Variants in SLC12A5 observed in about 807,000 individuals in gnomAD.
SLC12A5 encodes the protein solute carrier family 12 member 5.
In SLC12A5, 18 loss-of-function variants were observed where a neutral mutation model predicts 124.0. That is an observed-to-expected ratio of 0.15 (90% CI 0.10 to 0.22). The LOEUF (loss-of-function observed/expected upper bound fraction) is 0.22. Ranked by LOEUF, SLC12A5 falls within the 10% of genes least tolerant of loss-of-function variation. The pLI is 1.00. For missense variants in SLC12A5, 867 were observed against 1,478.7 expected (o/e 0.59, Z 6.78); for synonymous variants, 589 against 568.0 (o/e 1.04, Z -0.53).
rs1178419544 is a variant in SLC12A5 at position 46,057,485 on chromosome 20, C to A, written c.3260-29C>A. 6.2e-7 allele frequency: 1 copy of A among 1,610,004 alleles called. No individual in the cohort carries two copies. The highest frequency in any genetic ancestry group is 1.3e-5 in the African/African-American group (1 of 74,848). On this transcript the variant is annotated intron_variant, in intron 25 of 25. Coordinates refer to ENST00000243964, the MANE Select transcript of SLC12A5 (RefSeq NM_020708.5). This position sits in a 1 kb window ranked among gnomAD's most constrained non-coding sequence, Gnocchi z 7.1. ...CCAATTTCGTCGGGAGGGAAGGAGA[C>A]CGGGTCTTTCTCCTTGACCGGCTCT...
At chr20:46,032,945 G>A (rs2084466519) in intron 1 of SLC12A5, among the ~76,000 whole-genome samples, 1 of 152,178 alleles carries the variant, frequency 6.6e-6, no homozygotes, top group South Asian at 2.1e-4. Context: ...TTATGTGCTG[G>A]GAGGTGGGTC....
intron 20 of SLC12A5, 53 bp from the exon 21 acceptor site, chr20:46,054,863 T>TTCC (rs2084675974): frequency 1.5e-6 from 2 of 1,347,412 alleles, no homozygotes; most frequent in Non-Finnish European, 2.1e-6. Context: ...ACCTCATGCT[T>TTCC]TCCTCCGTGT....
chr20:46,057,741 C>G lies in SLC12A5; in HGVS notation c.*136C>G. On this transcript the variant is annotated 3_prime_UTR_variant, in exon 26 of 26. Transcript: ENST00000243964. This position sits in a 1 kb window ranked among gnomAD's most constrained non-coding sequence, Gnocchi z 7.1. ...TGGCCCCTTACCCCGCTGCCTGAAG[C>G]CCGGAGGCCACGCCTGTTGGGGCTG... The G allele has an allele frequency of 1.5e-6, 1 of 680,214 alleles. No individual in the cohort carries two copies. The highest frequency in any genetic ancestry group is 2.0e-5 in the South Asian group (1 of 49,218). 42.1% of individuals were successfully genotyped at this position (680,214 alleles called of 1,614,324 possible). A position where few individuals can be genotyped will look rare whatever the true frequency, so the allele number is the denominator to read the frequency against.
At chr20:46,048,462 A>ACAAACAT (rs1365646781) in intron 16 of SLC12A5, among the ~76,000 whole-genome samples, 2 of 152,232 alleles carry the variant, frequency 1.3e-5, no homozygotes, top group East Asian at 3.8e-4. Flanking sequence ...ATGGGGACAG[A>ACAAACAT]CAAACATCAG....
In SLC12A5 at chr20:46,041,543, C is replaced by T. The variant is rs1476908065; in HGVS notation, c.1066+3C>T. The T allele has an allele frequency of 5.0e-6, 8 of 1,613,496 alleles. No individual in the cohort carries two copies. On this transcript the variant is annotated splice_donor_region_variant and intron_variant, in intron 8 of 25. Transcript: ENST00000243964. ...TGCTGCCAGTGGCCTCATCAAAGGT[C>T]TGCGGAGGGACAAGGGCTGGCATCC...
At chr20:46,040,302 TC>T in intron 6 of SLC12A5, 70 bp from the exon 7 acceptor site, 1 of 1,582,758 alleles carries the variant, frequency 6.3e-7, no homozygotes, top group Non-Finnish European at 8.6e-7. Context: ...GCATCTTTTT[TC>T]CTAAAGCGCT....
At position 46,056,686 on chromosome 20, in the gene SLC12A5, G is replaced by C. The variant is rs563554989; in HGVS notation, c.3110+122G>C. 323 of 1,207,604 alleles carry C rather than the reference G, an allele frequency of 2.7e-4. 1 individual carries two copies. Among genetic ancestry groups the C allele is most frequent in the Non-Finnish European group, 3.5e-4 (301 of 859,548 alleles). 74.8% of individuals were successfully genotyped at this position (1,207,604 alleles called of 1,614,324 possible). On this transcript the variant is annotated intron_variant, in intron 23 of 25. Coordinates refer to ENST00000243964, the MANE Select transcript of SLC12A5 (RefSeq NM_020708.5). The surrounding 1 kb of genome is among the most constrained non-coding windows in gnomAD (Gnocchi z 4.3). ...AGCCTGCAGACCCAGCTCAGACATT[G>C]TCTTGGTTTCTCCATCTGAGGACTT... is the stretch of plus-strand genomic sequence containing the variant.
At position 46,060,038 on chromosome 20, in the gene SLC12A5, TTC is replaced by T. The variant is rs2084739851; in HGVS notation, c.*2435_*2436del. 1 of 166,102 alleles carries T rather than the reference TTC, an allele frequency of 6.0e-6. No homozygotes were observed. The highest frequency in any genetic ancestry group is 6.4e-5 in the Admixed American group (1 of 15,664). The allele number at this position is 166,102 out of a possible 1,614,324, so 10.3% of individuals were successfully genotyped here. A position where few individuals can be genotyped will look rare whatever the true frequency, so the allele number is the denominator to read the frequency against. ...GCCAATATGAAAAGGAGAGGGTTGG[TTC>T]TTTCCTTTATTGTTGAATGCTCCCA... On this transcript the variant is annotated 3_prime_UTR_variant, in exon 26 of 26. Transcript: ENST00000243964.
At chr20:46,031,607 C>T (rs1362112474) in intron 1 of SLC12A5, among the ~76,000 whole-genome samples, 2 of 152,234 alleles carry the variant, frequency 1.3e-5, no homozygotes, top group Non-Finnish European at 2.9e-5. Flanking sequence ...TCCCGGTCTT[C>T]TTTCTCCTTG....
At position 46,053,009 on chromosome 20, in the gene SLC12A5, C is replaced by A. The variant is rs540937956; in HGVS notation, c.2430C>A (p.Asn810Lys). Reference protein sequence around the residue: ...AGHLALLVTKNVSMFPGNPER... With the variant: ...AGHLALLVTKKVSMFPGNPER... Reference sequence around the variant, plus strand: ...ACTTAGCCCTGCTGGTCACCAAGAACGTTTCCATGTTTCCTGGGAACCCTG... The same window carrying A: ...ACTTAGCCCTGCTGGTCACCAAGAAAGTTTCCATGTTTCCTGGGAACCCTG... Residue 810 changes from asparagine (N) to lysine (K), a missense_variant, in exon 19 of 26, where the codon AAC (asparagine) becomes AAA (lysine). Coordinates refer to ENST00000243964, the MANE Select transcript of SLC12A5 (RefSeq NM_020708.5). The surrounding 1 kb of genome is among the most constrained non-coding windows in gnomAD (Gnocchi z 4.7). 1 of 1,614,008 alleles carries A rather than the reference C, an allele frequency of 6.2e-7. No individual in the cohort carries two copies. Among genetic ancestry groups the A allele is most frequent in the Non-Finnish European group, 8.5e-7 (1 of 1,179,994 alleles).
intron 1 of SLC12A5, among the ~76,000 whole-genome samples, chr20:46,031,306 T>C (rs1156330515): frequency 1.3e-5 from 2 of 152,152 alleles, no homozygotes; most frequent in African/African-American, 4.8e-5. Context: ...GGAGACCTTC[T>C]TTCTATACAT....
chr20:46,052,063 G>A (rs1273270251), intron 18 of SLC12A5, among the ~76,000 whole-genome samples, 193 bp downstream of exon 18: 3 of 152,180 alleles, frequency 2.0e-5, no homozygotes, highest in Admixed American at 6.5e-5. Context: ...TGGGGACTCC[G>A]CTGTGAACGA....
At chr20:46,035,084 A>G (rs770267044) in intron 2 of SLC12A5, 42 bp downstream of exon 2, 4 of 1,585,026 alleles carry the variant, frequency 2.5e-6, no homozygotes, top group South Asian at 1.1e-5. Flanking sequence ...ACAATTCATT[A>G]TCCTGATTCA....
upstream of SLC12A5, among the ~76,000 whole-genome samples, chr20:46,028,293 C>G (rs1254984766): frequency 1.3e-5 from 2 of 152,204 alleles, no homozygotes; most frequent in Admixed American, 1.3e-4. Context: ...CACTCTGTCC[C>G]TGGCCAGCCT....
upstream of SLC12A5, chr20:46,029,159 C>T: frequency 7.1e-7 from 1 of 1,405,296 alleles, no homozygotes; most frequent in Non-Finnish European, 9.2e-7. Context: ...AGAGGGGGCG[C>T]GCGCGGGTGT....
At chr20:46,023,424 C>T in exon 3 of SLC12A5, 2 of 398,898 alleles carry the variant, frequency 5.0e-6, no homozygotes. Context: ...TATCCTGAAT[C>T]TGGCAGCATC....
At chr20:46,044,735 G>A in intron 11 of SLC12A5, 2 of 554,246 alleles carry the variant, frequency 3.6e-6, no homozygotes, top group Non-Finnish European at 6.4e-6. Flanking sequence ...CGTGGGGCTG[G>A]GACCTATGCT....
At chr20:46,030,855 T>C (rs1413728385) in intron 1 of SLC12A5, among the ~76,000 whole-genome samples, 1 of 147,244 alleles carries the variant, frequency 6.8e-6, no homozygotes, top group Non-Finnish European at 1.5e-5. Context: ...GGGGGCTGAG[T>C]GGTATACAGG....
Position 46,053,561 on chromosome 20 carries a change from C to T in SLC12A5, c.2548-17C>T, listed in dbSNP as rs1478879529. Reference sequence around the variant, plus strand: ...CATCTGGGCTGGACCTTTCTGAATCCCCTTCATCGCCTGCAGGTCTGGCGG... The same window carrying T: ...CATCTGGGCTGGACCTTTCTGAATCTCCTTCATCGCCTGCAGGTCTGGCGG... On this transcript the variant is annotated splice_polypyrimidine_tract_variant and intron_variant, in intron 19 of 25. Transcript: ENST00000243964. This position sits in a 1 kb window ranked among gnomAD's most constrained non-coding sequence, Gnocchi z 4.7. 1.1e-5 allele frequency: 17 copies of T among 1,613,030 alleles called. No individual in the cohort carries two copies. Among genetic ancestry groups the T allele is most frequent in the Non-Finnish European group, 1.4e-5 (17 of 1,179,564 alleles).
Sources: gnomAD v4.1 joint callset for allele counts (sites outside exome capture counted in the v4.1 genomes callset) on GRCh38, gnomAD v4.1.1 for gene constraint, Gnocchi (gnomAD v3.1) non-coding constraint, MANE v1.5 for transcripts, NCBI Gene and HGNC (gene_info 2026-07-23, HGNC 2026-07-21) for gene names.